Variants in PNPLA1 observed in about 807,000 individuals in gnomAD.
PNPLA1 encodes the protein patatin like domain 1, omega-hydroxyceramide transacylase.
In PNPLA1, 36 loss-of-function variants were observed where a neutral mutation model predicts 51.7. The ratio of observed to expected loss-of-function variants is 0.70; its 90% CI spans 0.53 to 0.92. PNPLA1 has a LOEUF of 0.92. PNPLA1 is among the 40% of genes least tolerant of loss of function. The pLI is 0.00. For missense variants in PNPLA1, 658 were observed against 682.5 expected, an observed-to-expected ratio of 0.96 and a Z score of 0.40; for synonymous variants, 293 against 280.1, an observed-to-expected ratio of 1.05 and a Z score of -0.46.
intron 1 of PNPLA1, among the ~76,000 whole-genome samples, chr6:36,263,649 A>G (rs942278955): frequency 6.7e-6 from 1 of 149,518 alleles, no homozygotes; most frequent in Non-Finnish European, 1.5e-5. Flanking sequence ...TGTATTAACC[A>G]TGCTTTCTTA....
intron 5 of PNPLA1, among the ~76,000 whole-genome samples, 157 bp downstream of exon 5, chr6:36,295,581 C>T (rs1044768748): frequency 1.2e-4 from 18 of 152,184 alleles, no homozygotes; most frequent in African/African-American, 4.3e-4. Context: ...ACCTAACAGG[C>T]TGCATCGCCC....
At chr6:36,310,538 A>G (rs941639029) in intron 8 of PNPLA1, among the ~76,000 whole-genome samples, 3 of 152,212 alleles carry the variant, frequency 2.0e-5, no homozygotes, top group East Asian at 3.8e-4. Flanking sequence ...TTGAGTTTCT[A>G]TGGAATTTCC....
intron 5 of PNPLA1, among the ~76,000 whole-genome samples, chr6:36,298,495 G>A (rs763104214): frequency 6.6e-6 from 1 of 152,176 alleles, no homozygotes; most frequent in Non-Finnish European, 1.5e-5. Context: ...TTGTTGTGCA[G>A]CAGATCTCTA....
intron 1 of PNPLA1, among the ~76,000 whole-genome samples, chr6:36,260,432 C>A (rs987250890): frequency 2.0e-5 from 3 of 152,120 alleles, no homozygotes; most frequent in African/African-American, 7.2e-5. Context: ...TTTACTTTTA[C>A]TTTGCTATGT....
At chr6:36,306,948 C>CT (rs1396106747) in intron 7 of PNPLA1, among the ~76,000 whole-genome samples, 2 of 152,156 alleles carry the variant, frequency 1.3e-5, no homozygotes, top group African/African-American at 4.8e-5. Context: ...TGGGGATCTG[C>CT]TTTTTTAAAA....
chr6:36,254,554 G>A (rs1287877594), intron 1 of PNPLA1, among the ~76,000 whole-genome samples: 1 of 151,266 alleles, frequency 6.6e-6, no homozygotes, highest in East Asian at 2.0e-4. Flanking sequence ...CAGCATAGGC[G>A]ACGGAGGAAA....
At chr6:36,250,023 ATATT>A (rs975359780) in intron 1 of PNPLA1, among the ~76,000 whole-genome samples, 22 of 152,232 alleles carry the variant, frequency 1.4e-4, no homozygotes, top group African/African-American at 5.1e-4. Context: ...CCACTAATAA[ATATT>A]TATTAAGCAC....
chr6:36,289,745 G>T (rs940501316), intron 1 of PNPLA1, among the ~76,000 whole-genome samples: 3 of 152,176 alleles, frequency 2.0e-5, no homozygotes, highest in African/African-American at 7.2e-5. Flanking sequence ...CTGACCTCAG[G>T]CAAGACACTT....
intron 1 of PNPLA1, among the ~76,000 whole-genome samples, chr6:36,282,974 C>T (rs769963244): frequency 2.6e-5 from 4 of 152,168 alleles, no homozygotes; most frequent in Admixed American, 6.5e-5. Flanking sequence ...TGAGCCACCG[C>T]ACCTGACCTG....
At chr6:36,271,488 A>G (rs932755840) in intron 1 of PNPLA1, among the ~76,000 whole-genome samples, 3 of 152,228 alleles carry the variant, frequency 2.0e-5, no homozygotes, top group Non-Finnish European at 4.4e-5. Flanking sequence ...AAAGAAACAG[A>G]TAATAAACAT....
intron 1 of PNPLA1, among the ~76,000 whole-genome samples, chr6:36,255,533 C>T (rs570208553): frequency 2.0e-5 from 3 of 149,748 alleles, no homozygotes; most frequent in Non-Finnish European, 3.0e-5. Context: ...AAAACAAAAA[C>T]GAAATTGGCC....
intron 1 of PNPLA1, among the ~76,000 whole-genome samples, chr6:36,286,851 A>AT (rs745386551): frequency 0.068 from 9,717 of 143,898 alleles, 754 homozygotes; most frequent in African/African-American, 0.2. Flanking sequence ...GCTAATTTAA[A>AT]TTTTTTTTTT....
chr6:36,309,899 C>T (rs755515640), intron 8 of PNPLA1, among the ~76,000 whole-genome samples: 24 of 152,174 alleles, frequency 1.6e-4, no homozygotes, highest in Non-Finnish European at 3.4e-4. Context: ...TCCCAAATTA[C>T]AACCACTGTC....
At chr6:36,264,709 G>T (rs1561851181) in intron 1 of PNPLA1, among the ~76,000 whole-genome samples, 1 of 152,162 alleles carries the variant, frequency 6.6e-6, no homozygotes, top group Non-Finnish European at 1.5e-5. Context: ...CTTCAGTCTG[G>T]CTGGTGGGTA....
chr6:36,264,951 C>G (rs1050521789), intron 1 of PNPLA1, among the ~76,000 whole-genome samples: 7 of 152,216 alleles, frequency 4.6e-5, no homozygotes, highest in African/African-American at 1.7e-4. Flanking sequence ...TTAAACACTT[C>G]TACCCCCACC....
At position 36,291,498 on chromosome 6, in the gene PNPLA1, G is replaced by A. The variant is rs766669625; in HGVS notation, c.384G>A (p.Thr128=). ...TCCATGTGAGCCTCACCCGCTTAAC[G>A]GACGGGGAGAATGTGGTGGTTTCAG... The part of the protein sequence containing the change: ...GKLHVSLTRL[T]DGENVVVSEF... Residue 128 remains threonine (T), a synonymous_variant, in exon 2 of 9, where the codon ACG becomes ACA. Transcript: ENST00000636260. The A allele has an allele frequency of 1.5e-5, 25 of 1,613,576 alleles. No homozygotes were observed. The highest frequency in any genetic ancestry group is 1.3e-4 in the Admixed American group (8 of 59,954).
At chr6:36,276,754 GTTCCTTCCTTCCTTCC>G (rs35701454) in intron 1 of PNPLA1, among the ~76,000 whole-genome samples, 223 of 149,892 alleles carry the variant, frequency 1.5e-3, no homozygotes, top group African/African-American at 4.6e-3. Flanking sequence ...TCGTTCGTTC[GTTCCTTCCTTCCTTCC>G]TTCCTTCCTT....
chr6:36,253,966 CAG>C (rs1769476387), intron 1 of PNPLA1, among the ~76,000 whole-genome samples: 1 of 152,124 alleles, frequency 6.6e-6, no homozygotes. Context: ...TCCTTACAGT[CAG>C]GGTATGCTGC....
At chr6:36,257,526 A>C (rs1379949285) in intron 1 of PNPLA1, among the ~76,000 whole-genome samples, 1 of 152,224 alleles carries the variant, frequency 6.6e-6, no homozygotes, top group African/African-American at 2.4e-5. Flanking sequence ...TGATGGCCAA[A>C]GGCAAAAAAA....
Sources: allele counts gnomAD v4.1 joint callset (sites outside exome capture counted in the v4.1 genomes callset), GRCh38; gene constraint gnomAD v4.1.1; transcripts MANE v1.5; gene names NCBI Gene and HGNC (gene_info 2026-07-23, HGNC 2026-07-21).